Variants in EDA observed in about 807,000 individuals in gnomAD.
EDA encodes the protein ectodysplasin-A.
A neutral mutation model predicts 23.6 loss-of-function variants in EDA; 2 were observed. That is an observed-to-expected ratio of 0.08 (90% CI 0.03 to 0.27). The LOEUF (loss-of-function observed/expected upper bound fraction) is 0.27. Ranked by LOEUF, EDA falls within the 10% of genes least tolerant of loss-of-function variation. The pLI is 1.00. For synonymous variants in EDA, 131 were observed against 132.0 expected (o/e 0.99, Z 0.05); for missense variants, 229 against 324.2 (o/e 0.71, Z 2.26).
chrX:69,692,490 C>A (rs920883895), intron 1 of EDA, among the ~76,000 whole-genome samples: 19 of 111,633 alleles, frequency 1.7e-4, no homozygotes, highest in African/African-American at 5.9e-4. Context: ...AAAATTCATT[C>A]TCAAGAGACC....
chrX:69,761,262 GAT>G (rs1490520583), intron 1 of EDA, among the ~76,000 whole-genome samples: 3 of 110,977 alleles, frequency 2.7e-5, no homozygotes, highest in Non-Finnish European at 5.7e-5. Context: ...AAGGAGGAAA[GAT>G]GTGTTAAAGT....
At chrX:69,761,751 A>G (rs777760859) in intron 1 of EDA, among the ~76,000 whole-genome samples, 3 of 111,953 alleles carry the variant, frequency 2.7e-5, no homozygotes, top group South Asian at 3.7e-4. Context: ...TTTAAAATTT[A>G]ATATCTGCTT....
At chrX:69,859,435 T>C (rs2017330543) in intron 1 of EDA, among the ~76,000 whole-genome samples, 1 of 112,171 alleles carries the variant, frequency 8.9e-6, no homozygotes, top group African/African-American at 3.2e-5. Flanking sequence ...GTATCTTTGT[T>C]CTCAGTAATT....
In EDA at chrX:70,027,888, C is replaced by CCCTCCAGGACCCCCAGGA. The variant is rs397516668; in HGVS notation, c.572_589dup (p.Pro191_Pro196dup). ...AAGCAGGACCTCCTGGACCCAATGG[C>CCCTCCAGGACCCCCAGGA]CCTCCAGGACCCCCAGGACCTCCAG... On this transcript the variant is annotated inframe_insertion, in exon 4 of 8. Transcript: ENST00000374552. 6 of 1,027,376 alleles carry CCCTCCAGGACCCCCAGGA rather than the reference C, an allele frequency of 5.8e-6. No homozygotes were observed. Among genetic ancestry groups the CCCTCCAGGACCCCCAGGA allele is most frequent in the African/African-American group, 3.7e-5 (2 of 53,367 alleles). The allele number at this position is 1,027,376 out of a possible 1,213,427, so 84.7% of individuals were successfully genotyped here. A position where few individuals can be genotyped will look rare whatever the true frequency, so the allele number is the denominator to read the frequency against.
At chrX:69,886,850 A>G (rs989777317) in intron 1 of EDA, among the ~76,000 whole-genome samples, 1 of 111,743 alleles carries the variant, frequency 8.9e-6, no homozygotes. Flanking sequence ...CAACCCAAGA[A>G]CCTAACAGAA....
At chrX:69,688,908 G>A (rs770910335) in intron 1 of EDA, among the ~76,000 whole-genome samples, 1 of 112,192 alleles carries the variant, frequency 8.9e-6, no homozygotes, top group Non-Finnish European at 1.9e-5. Flanking sequence ...TGTATGATAC[G>A]TGCTTTATTT....
chrX:69,776,488 C>T (rs1258565569), intron 1 of EDA, among the ~76,000 whole-genome samples: 1 of 111,655 alleles, frequency 9.0e-6, no homozygotes, highest in East Asian at 2.8e-4. Context: ...TAAGACATGC[C>T]TTTGCTCCTC....
intron 1 of EDA, among the ~76,000 whole-genome samples, chrX:69,643,175 T>C (rs1932859950): frequency 9.0e-6 from 1 of 110,653 alleles, no homozygotes; most frequent in African/African-American, 3.3e-5. Context: ...AAATAATTAT[T>C]ACTTTTATGT....
intron 1 of EDA, among the ~76,000 whole-genome samples, chrX:69,700,784 G>A (rs778127205): frequency 4.1e-4 from 46 of 111,136 alleles, no homozygotes; most frequent in Admixed American, 1.1e-3. Flanking sequence ...ATAAGGAAAG[G>A]TTGCATGTTT....
At chrX:69,669,218 T>C (rs1305879012) in intron 1 of EDA, among the ~76,000 whole-genome samples, 2 of 111,218 alleles carry the variant, frequency 1.8e-5, no homozygotes, top group African/African-American at 6.5e-5. Flanking sequence ...TTTTTTTTTT[T>C]AATCCATTCG....
intron 1 of EDA, among the ~76,000 whole-genome samples, chrX:69,953,641 T>C (rs778992609): frequency 1.2e-3 from 130 of 112,000 alleles, no homozygotes; most frequent in Non-Finnish European, 1.9e-3. Context: ...CCCAAATGTC[T>C]ATCAATGGGA....
intron 1 of EDA, among the ~76,000 whole-genome samples, chrX:69,736,328 T>C (rs750467165): frequency 1.8e-5 from 2 of 110,721 alleles, no homozygotes; most frequent in South Asian, 8.0e-4. Flanking sequence ...CACCCACTTA[T>C]GTTTTGTTTG....
At chrX:69,858,629 T>C (rs2017309729) in intron 1 of EDA, among the ~76,000 whole-genome samples, 1 of 111,973 alleles carries the variant, frequency 8.9e-6, no homozygotes, top group Non-Finnish European at 1.9e-5. Context: ...GGAGTTCGTT[T>C]GCTGGTATTT....
At chrX:70,010,863 A>T (rs2147487746) in intron 2 of EDA, among the ~76,000 whole-genome samples, 1 of 111,314 alleles carries the variant, frequency 9.0e-6, no homozygotes, top group South Asian at 3.9e-4. Flanking sequence ...CGTGAGACTT[A>T]TTCACTACCA....
intron 1 of EDA, among the ~76,000 whole-genome samples, chrX:69,718,805 T>C (rs776831068): frequency 3.2e-4 from 36 of 111,777 alleles, no homozygotes; most frequent in African/African-American, 1.2e-3. Flanking sequence ...AAGATAACAC[T>C]ACCCTTATAA....
At chrX:69,812,282 G>T (rs138546359) in intron 1 of EDA, among the ~76,000 whole-genome samples, 1 of 111,893 alleles carries the variant, frequency 8.9e-6, no homozygotes, top group Non-Finnish European at 1.9e-5. Context: ...TCTATTTTTA[G>T]AAGTCCTATG....
intron 1 of EDA, among the ~76,000 whole-genome samples, chrX:69,930,856 T>A (rs767417974): frequency 9.0e-6 from 1 of 111,554 alleles, no homozygotes; most frequent in South Asian, 3.7e-4. Context: ...TAAAAATCAA[T>A]TCTATTCCTA....
intron 6 of EDA, among the ~76,000 whole-genome samples, chrX:70,031,925 T>C (rs2020204933): frequency 2.7e-5 from 3 of 111,419 alleles, no homozygotes; most frequent in East Asian, 5.7e-4. Flanking sequence ...TCTGGGCCAA[T>C]CCTCAGAGGT....
In EDA at chrX:70,035,069, C is replaced by T. The variant is rs144930998; in HGVS notation, c.925-289C>T. On this transcript the variant is annotated intron_variant, in intron 7 of 7. Transcript: ENST00000374552. The stretch of plus-strand genomic sequence containing the variant: ...AGGGGTGGGCGGGGGAACAGGGGCA[C>T]GGTGAAGCTGCAAATAGGGCATGGT... Among the ~76,000 whole-genome samples, 1,088 of 111,613 alleles carry T rather than the reference C, an allele frequency of 9.7e-3. 8 individuals carry two copies. The highest frequency in any genetic ancestry group is 0.014 in the Non-Finnish European group (716 of 53,019).
Sources: gnomAD v4.1 joint callset for allele counts (sites outside exome capture counted in the v4.1 genomes callset) on GRCh38, gnomAD v4.1.1 for gene constraint, MANE v1.5 for transcripts, NCBI Gene and HGNC (gene_info 2026-07-23, HGNC 2026-07-21) for gene names.